Variants in MGST1 observed in about 807,000 individuals in gnomAD.
MGST1 encodes microsomal glutathione S-transferase 1.
A neutral mutation model predicts 8.9 loss-of-function variants in MGST1; 5 were observed. That is an observed-to-expected ratio of 0.56 (90% CI 0.29 to 1.19). The LOEUF is 1.19. Ranked by LOEUF, MGST1 falls within the 50% of genes most tolerant of loss-of-function variation. The pLI, the probability that MGST1 is intolerant of heterozygous loss-of-function variation, is 0.08. For synonymous variants in MGST1, 54 were observed against 67.8 expected (o/e 0.80, Z 1.00); for missense variants, 182 against 187.4 (o/e 0.97, Z 0.17).
In MGST1 at chr12:16,538,043, C is replaced by G. The variant is rs148246463; in HGVS notation, n.483-51485C>G. On this transcript the variant is annotated intron_variant and non_coding_transcript_variant, in intron 4 of 4. Coordinates refer to the MGST1 transcript ENST00000538857. The stretch of plus-strand genomic sequence containing the variant: ...TGCAAATTTTCCAAACTTTTATGCT[C>G]TTTTTCCCTTTTAAAATGGAAAGCT... 7.3e-4 allele frequency among the ~76,000 whole-genome samples: 111 copies of G among 152,282 alleles called. No homozygotes were observed. In the East Asian group the frequency reaches 0.015, roughly 21 times the overall value.
At chr12:16,441,598 C>G (rs1252904129), downstream of MGST1, among the ~76,000 whole-genome samples, 1 of 151,824 alleles carries the variant, frequency 6.6e-6, no homozygotes, top group African/African-American at 2.4e-5. Flanking sequence ...GTAGCCTTTT[C>G]AAATCAGCTT....
At chr12:16,465,550 T>C (rs1019796701) in intron 4 of MGST1, among the ~76,000 whole-genome samples, 7 of 152,144 alleles carry the variant, frequency 4.6e-5, no homozygotes, top group Non-Finnish European at 8.8e-5. Context: ...CGAACCCTAT[T>C]GTAAACTGCA....
rs1262183200 is a variant in MGST1, at chr12:16,500,121, T to C, written n.483-89407T>C. On this transcript the variant is annotated intron_variant and non_coding_transcript_variant, in intron 4 of 4. Transcript: ENST00000538857. This position sits in a 1 kb window ranked among gnomAD's most constrained non-coding sequence, Gnocchi z 4.3. ...ATTAATTATTTCTTAAAGATTATACTGTTGCCAGAGAAGTTTTCTTTTTTC... is the reference window on the plus strand; with the variant it reads ...ATTAATTATTTCTTAAAGATTATACCGTTGCCAGAGAAGTTTTCTTTTTTC... Among the ~76,000 whole-genome samples the C allele has an allele frequency of 6.6e-6, 1 of 152,226 alleles. No homozygotes were observed. The highest frequency in any genetic ancestry group is 2.4e-5 in the African/African-American group (1 of 41,472).
chr12:16,498,073 T>C (rs547550711), intron 4 of MGST1, among the ~76,000 whole-genome samples: 1 of 152,308 alleles, frequency 6.6e-6, no homozygotes, highest in Non-Finnish European at 1.5e-5. Context: ...GGGTGAATTT[T>C]TTCATCTTCC....
intron 4 of MGST1, among the ~76,000 whole-genome samples, chr12:16,460,226 A>G (rs1396806266): frequency 2.0e-5 from 3 of 152,166 alleles, no homozygotes; most frequent in African/African-American, 7.2e-5. Context: ...TGGCAGTGCA[A>G]TGTTTGGATG....
downstream of MGST1, among the ~76,000 whole-genome samples, chr12:16,439,186 A>C (rs1941016877): frequency 6.6e-6 from 1 of 151,822 alleles, no homozygotes; most frequent in African/African-American, 2.4e-5. Context: ...ACAAAACCAG[A>C]GGACTATTTT....
At chr12:16,366,954 T>C (rs2137012444), downstream of MGST1, among the ~76,000 whole-genome samples, 1 of 152,314 alleles carries the variant, frequency 6.6e-6, no homozygotes. The surrounding 1 kb of genome is among the most constrained non-coding windows in gnomAD (Gnocchi z 4.0). Context: ...CCAGAATTAC[T>C]GTAGCAAGGG....
intron 4 of MGST1, among the ~76,000 whole-genome samples, chr12:16,518,948 T>G (rs1458093631): frequency 6.6e-6 from 1 of 152,240 alleles, no homozygotes; most frequent in Non-Finnish European, 1.5e-5. Flanking sequence ...ATGCTTCTAA[T>G]CGGGTAGATA....
chr12:16,429,943 A>G (rs1490266771), intron 1 of MGST1, among the ~76,000 whole-genome samples: 1 of 152,172 alleles, frequency 6.6e-6, no homozygotes, highest in Non-Finnish European at 1.5e-5. Flanking sequence ...AGGTTATTCG[A>G]TAGCATTTTA....
chr12:16,505,488 G>A (rs1212703741), intron 4 of MGST1, among the ~76,000 whole-genome samples: 1 of 151,812 alleles, frequency 6.6e-6, no homozygotes, highest in Admixed American at 6.6e-5. Context: ...TTCAACTATT[G>A]GCATCACTGT....
intron 4 of MGST1, among the ~76,000 whole-genome samples, chr12:16,468,605 A>G (rs1233656505): frequency 2.6e-5 from 4 of 152,246 alleles, no homozygotes; most frequent in Non-Finnish European, 4.4e-5. Flanking sequence ...TCATCAAAAT[A>G]TGGAATGTTG....
In MGST1 at chr12:16,402,459, C is replaced by T. The variant is rs1043742722; in HGVS notation, n.778+18855C>T. On this transcript the variant is annotated intron_variant and non_coding_transcript_variant, in intron 1 of 1. Coordinates refer to the MGST1 transcript ENST00000359720. The stretch of plus-strand genomic sequence containing the variant: ...GCTTCTCCTCGGGTTCTGAGAATCA[C>T]GCGATGTCCCGGCTCTGCCACCTGC... 94 of 1,583,956 alleles carry T rather than the reference C, an allele frequency of 5.9e-5. 3 individuals carry two copies. In the South Asian group the frequency reaches 8.8e-4, roughly 15 times the overall value.
chr12:16,520,894 T>G (rs1941644747), intron 4 of MGST1, among the ~76,000 whole-genome samples: 1 of 152,196 alleles, frequency 6.6e-6, no homozygotes, highest in African/African-American at 2.4e-5. Context: ...CCCCGTCTTC[T>G]TATGGAGGCT....
chr12:16,445,661 G>A (rs893884772), intron 4 of MGST1, among the ~76,000 whole-genome samples: 20 of 151,918 alleles, frequency 1.3e-4, no homozygotes, highest in African/African-American at 4.8e-4. Flanking sequence ...ATGCCTGCAT[G>A]CCAGGTACCT....
chr12:16,429,962 A>G (rs1435953217), intron 1 of MGST1, among the ~76,000 whole-genome samples: 2 of 152,228 alleles, frequency 1.3e-5, no homozygotes, highest in African/African-American at 4.8e-5. Flanking sequence ...TACCTGCAGT[A>G]GAACTTTAAA....
At chr12:16,437,566 A>G (rs899970442) in exon 2 of MGST1, 12 of 152,156 alleles carry the variant, frequency 7.9e-5, no homozygotes, top group Admixed American at 5.9e-4. Context: ...CAGCCCGAGG[A>G]AAACAGCTTC....
chr12:16,576,813 T>A lies in MGST1; in HGVS notation n.483-12715T>A, dbSNP rs991217739. ...GTACCATCTATTTTTAAATACCATT[T>A]TAAATTCAGTGTACAATGGACATAA... On this transcript the variant is annotated intron_variant and non_coding_transcript_variant, in intron 4 of 4. Transcript: ENST00000538857. This position sits in a 1 kb window ranked among gnomAD's most constrained non-coding sequence, Gnocchi z 4.1. Among the ~76,000 whole-genome samples, 1 of 152,224 alleles carries A rather than the reference T, an allele frequency of 6.6e-6. No homozygotes were observed. Among genetic ancestry groups the A allele is most frequent in the Non-Finnish European group, 1.5e-5 (1 of 68,042 alleles).
intron 4 of MGST1, among the ~76,000 whole-genome samples, chr12:16,496,775 A>G (rs1331715714): frequency 6.6e-6 from 1 of 152,168 alleles, no homozygotes; most frequent in Non-Finnish European, 1.5e-5. Flanking sequence ...ACCTAAGACC[A>G]AAATAATGTA....
chr12:16,479,317 C>T (rs1375131562), intron 4 of MGST1, among the ~76,000 whole-genome samples: 1 of 147,830 alleles, frequency 6.8e-6, no homozygotes, highest in East Asian at 2.0e-4. Flanking sequence ...TCACTGCAAG[C>T]TCCGCCTCCC....
Sources: gnomAD v4.1 joint callset for allele counts (sites outside exome capture counted in the v4.1 genomes callset) on GRCh38, gnomAD v4.1.1 for gene constraint, Gnocchi (gnomAD v3.1) non-coding constraint, MANE v1.5 for transcripts, NCBI Gene and HGNC (gene_info 2026-07-23, HGNC 2026-07-21) for gene names.